The following CNTNAP4 variants were observed in gnomAD, a reference collection of about 807,000 sequenced individuals.
CNTNAP4 encodes contactin associated protein family member 4.
In CNTNAP4, 98 loss-of-function variants were observed where a neutral mutation model predicts 148.4. The observed-to-expected ratio is 0.66, with a 90% CI of 0.56 to 0.78. The LOEUF is 0.78. Ranked by LOEUF, CNTNAP4 falls within the 30% of genes least tolerant of loss-of-function variation. The pLI is 0.00. For missense variants in CNTNAP4, 1,935 were observed against 1,565.6 expected (o/e 1.24, Z -3.98); for synonymous variants, 730 against 565.1 (o/e 1.29, Z -4.14).
At chr16:76,537,991 C>G in intron 18 of CNTNAP4, 125 bp from the exon 19 acceptor site, 1 of 362,416 alleles carries the variant, frequency 2.8e-6, no homozygotes, top group Non-Finnish European at 4.8e-6. Flanking sequence ...TTATTTGATT[C>G]TATTTTGGGG....
chr16:76,277,988 C>G (rs1958544714), intron 1 of CNTNAP4, among the ~76,000 whole-genome samples: 1 of 152,202 alleles, frequency 6.6e-6, no homozygotes, highest in Non-Finnish European at 1.5e-5. Flanking sequence ...ACCCTCTGGT[C>G]TTTGAGTATT....
At chr16:76,499,425 C>A (rs551796241) in intron 15 of CNTNAP4, among the ~76,000 whole-genome samples, 1 of 151,980 alleles carries the variant, frequency 6.6e-6, no homozygotes, top group Admixed American at 6.6e-5. Context: ...TGGAAAAGGC[C>A]TATCACTGCC....
At chr16:76,348,934 C>T (rs541709064) in intron 2 of CNTNAP4, among the ~76,000 whole-genome samples, 24 of 150,680 alleles carry the variant, frequency 1.6e-4, no homozygotes, top group Non-Finnish European at 2.8e-4. Context: ...GCTGATGTAA[C>T]AGTGTACTGA....
At chr16:76,382,114 A>G (rs1477102672) in intron 3 of CNTNAP4, among the ~76,000 whole-genome samples, 1 of 150,130 alleles carries the variant, frequency 6.7e-6, no homozygotes, top group East Asian at 2.0e-4. Flanking sequence ...ATGATAAACT[A>G]TAGGGGAGGG....
chr16:76,377,014 G>A (rs969598008), intron 3 of CNTNAP4, among the ~76,000 whole-genome samples: 1 of 150,722 alleles, frequency 6.6e-6, no homozygotes, highest in African/African-American at 2.4e-5. Flanking sequence ...TAAGGAGTTG[G>A]CTCGTGCAAT....
Position 76,558,451 on chromosome 16 carries a change from G to C in CNTNAP4, c.3734-39G>C, listed in dbSNP as rs188502165. Reference sequence around the variant, plus strand: ...ATGAAGTCAGCACAGTTTCTATTTGGACAGAAATTCTGACTTTATATTTCT... The same window carrying C: ...ATGAAGTCAGCACAGTTTCTATTTGCACAGAAATTCTGACTTTATATTTCT... On this transcript the variant is annotated intron_variant, in intron 23 of 23. Transcript: ENST00000611870. The C allele has an allele frequency of 4.9e-4, 602 of 1,233,584 alleles. 6 individuals are homozygous for C. The Admixed American group carries it at 0.01, about 21-fold the overall frequency. 76.4% of individuals were successfully genotyped at this position (1,233,584 alleles called of 1,614,324 possible).
In CNTNAP4 at chr16:76,448,070, A is replaced by C. The variant is rs771301720; in HGVS notation, c.597A>C (p.Lys199Asn). The C allele has an allele frequency of 1.3e-5, 21 of 1,613,702 alleles. No individual in the cohort carries two copies. Among genetic ancestry groups the C allele is most frequent in the Non-Finnish European group, 1.6e-5 (19 of 1,179,770 alleles). Residue 199 changes from lysine (K) to asparagine (N), a missense_variant, in exon 5 of 24, where the codon AAA becomes AAC. Transcript: ENST00000611870. ...KSSLLYRFDQ[K>N]SLSPIKDIIS... ...CCCTTCTCTACAGATTTGATCAAAA[A>C]TCCCTGAGCCCAATAAAAGACATTA...
At position 76,277,445 on chromosome 16, in the gene CNTNAP4, G is replaced by A. The variant is rs1178907751; in HGVS notation, c.-218G>A. 3 of 535,116 alleles carry A rather than the reference G, an allele frequency of 5.6e-6. No homozygotes were observed. Among genetic ancestry groups the A allele is most frequent in the Non-Finnish European group, 1.0e-5 (3 of 300,500 alleles). 33.1% of individuals were successfully genotyped at this position (535,116 alleles called of 1,614,324 possible). On this transcript the variant is annotated 5_prime_UTR_variant, in exon 1 of 24. Transcript: ENST00000611870. ...GGGAGGTGTGTGTGAGAGAGAGAGA[G>A]AAAAGAGAGAGACAGAGACGGGGAG...
At chr16:76,452,269 T>C (rs1372845130) in intron 7 of CNTNAP4, among the ~76,000 whole-genome samples, 2 of 152,196 alleles carry the variant, frequency 1.3e-5, no homozygotes, top group African/African-American at 2.4e-5. Flanking sequence ...TGTATTCTTC[T>C]AAATAAGCTT....
chr16:76,553,531 A>G, intron 22 of CNTNAP4, 30 bp downstream of exon 22: 1 of 1,491,970 alleles, frequency 6.7e-7, no homozygotes, highest in Non-Finnish European at 9.3e-7. Context: ...CTACTCAGTC[A>G]CAGACGTAGC....
intron 1 of CNTNAP4, among the ~76,000 whole-genome samples, chr16:76,315,100 C>T (rs2052866): frequency 0.26 from 38,975 of 151,840 alleles, 5,811 homozygotes; most frequent in Non-Finnish European, 0.35. Flanking sequence ...CTTTTACTGG[C>T]GTGTATTATA....
chr16:76,299,809 G>T (rs1334211352), intron 1 of CNTNAP4, among the ~76,000 whole-genome samples: 1 of 152,160 alleles, frequency 6.6e-6, no homozygotes, highest in Non-Finnish European at 1.5e-5. Context: ...AGAATACTAT[G>T]CAGCCATAAA....
At chr16:76,557,986 A>T (rs1418658899) in intron 23 of CNTNAP4, 1 of 152,354 alleles carries the variant, frequency 6.6e-6, no homozygotes, top group Non-Finnish European at 1.5e-5. Context: ...GAAATAATTT[A>T]GGCATATTTG....
intron 17 of CNTNAP4, among the ~76,000 whole-genome samples, chr16:76,530,781 A>G (rs1568531543): frequency 6.6e-6 from 1 of 152,184 alleles, no homozygotes; most frequent in Non-Finnish European, 1.5e-5. Flanking sequence ...TGCTTAATGA[A>G]GAACATTGCG....
intron 23 of CNTNAP4, chr16:76,557,815 TC>T (rs1293994712): frequency 6.6e-6 from 1 of 152,182 alleles, no homozygotes; most frequent in Non-Finnish European, 1.5e-5. Flanking sequence ...CCCTGTGCCC[TC>T]TCAAAGTGTC....
In CNTNAP4 at chr16:76,368,629, A is replaced by C. The variant is rs527842021; in HGVS notation, c.390+13118A>C. On this transcript the variant is annotated intron_variant, in intron 3 of 23. Coordinates refer to ENST00000611870, the MANE Select transcript of CNTNAP4 (RefSeq NM_033401.5). ...TAAGTGGGAGTTGAACAATGAGAAC[A>C]TATGGGCACAGGGAGGGGAACATCA... Among the ~76,000 whole-genome samples, 27 of 152,224 alleles carry C rather than the reference A, an allele frequency of 1.8e-4. 1 individual carries two copies. In the South Asian group the frequency reaches 2.3e-3, roughly 13 times the overall value.
At chr16:76,327,917 A>T (rs540175180) in intron 2 of CNTNAP4, among the ~76,000 whole-genome samples, 1 of 66,728 alleles carries the variant, frequency 1.5e-5, no homozygotes, top group South Asian at 3.2e-4. Flanking sequence ...GCCTTCCGTC[A>T]TTGTTTCACC....
chr16:76,304,577 A>G (rs902898669), intron 1 of CNTNAP4, among the ~76,000 whole-genome samples: 3 of 152,218 alleles, frequency 2.0e-5, no homozygotes, highest in African/African-American at 4.8e-5. Flanking sequence ...ATAATCTTCC[A>G]AGTGACTTTG....
At chr16:76,406,082 G>A (rs1214944228) in intron 3 of CNTNAP4, among the ~76,000 whole-genome samples, 2 of 152,022 alleles carry the variant, frequency 1.3e-5, no homozygotes, top group Admixed American at 6.6e-5. Flanking sequence ...AAATTAGGCG[G>A]GTGTGGTGGC....
Sources: allele counts gnomAD v4.1 joint callset (sites outside exome capture counted in the v4.1 genomes callset), GRCh38; gene constraint gnomAD v4.1.1; transcripts MANE v1.5; gene names NCBI Gene and HGNC (gene_info 2026-07-23, HGNC 2026-07-21).